MYH15: variants seen among roughly 807,000 people sequenced by gnomAD.
The protein encoded by MYH15 is myosin-15.
MYH15 carries 227 observed loss-of-function variants against 240.5 expected under a neutral mutation model. The observed-to-expected ratio is 0.94, with a 90% CI of 0.85 to 1.05. The LOEUF (loss-of-function observed/expected upper bound fraction) is 1.05, where lower values mean the gene tolerates loss of function less well. Among genes scored for constraint, MYH15 ranks in the 50% least tolerant of loss-of-function variants. The pLI is 0.00. For missense variants in MYH15, 2,217 were observed against 2,247.5 expected, an observed-to-expected ratio of 0.99 and a Z score of 0.27; for synonymous variants, 785 against 796.7, an observed-to-expected ratio of 0.99 and a Z score of 0.25.
chr3:108,504,821 G>T (rs1406770841), intron 2 of MYH15, among the ~76,000 whole-genome samples: 2 of 152,140 alleles, frequency 1.3e-5, no homozygotes, highest in African/African-American at 4.8e-5. Flanking sequence ...AGGGAGAAGG[G>T]GCTGGCGGGT....
chr3:108,542,059 G>C, the MYH15 span, among the ~76,000 whole-genome samples: 1 of 152,062 alleles, frequency 6.6e-6, no homozygotes, highest in South Asian at 2.1e-4. Context: ...GGAAATAACT[G>C]TCATGTATCA....
At chr3:108,439,990 TGTC>T in intron 23 of MYH15, 77 bp from the exon 24 acceptor site, 1 of 1,323,268 alleles carries the variant, frequency 7.6e-7, no homozygotes, top group Non-Finnish European at 1.0e-6. Context: ...ATTTCTCTTC[TGTC>T]GTCCAAAACT....
chr3:108,414,816 A>C (rs1275770239), intron 29 of MYH15, among the ~76,000 whole-genome samples: 2 of 152,180 alleles, frequency 1.3e-5, no homozygotes, highest in African/African-American at 2.4e-5. Flanking sequence ...GAACCACTAA[A>C]ATTTAGCCTT....
chr3:108,457,007 G>T, intron 18 of MYH15, 124 bp from the exon 19 acceptor site: 1 of 672,098 alleles, frequency 1.5e-6, no homozygotes, highest in Non-Finnish European at 2.6e-6. Flanking sequence ...CCACATGATA[G>T]GTCATAGATG....
At chr3:108,389,219 T>G in intron 37 of MYH15, 145 bp from the exon 38 acceptor site, 1 of 609,022 alleles carries the variant, frequency 1.6e-6, no homozygotes, top group Non-Finnish European at 2.8e-6. Context: ...ACAGTGTCTC[T>G]GGGAAAACTC....
At chr3:108,473,550 C>G (rs1254616318) in intron 12 of MYH15, among the ~76,000 whole-genome samples, 1 of 152,116 alleles carries the variant, frequency 6.6e-6, no homozygotes, top group African/African-American at 2.4e-5. Flanking sequence ...AGTGGTTAAT[C>G]TTTCTAAGGG....
chr3:108,391,670 G>T, intron 37 of MYH15, 90 bp downstream of exon 37: 2 of 1,336,368 alleles, frequency 1.5e-6, no homozygotes, highest in Non-Finnish European at 2.1e-6. Context: ...AAGGGTATGT[G>T]TGTTGGGGGG....
chr3:108,540,336 C>A, the MYH15 span, among the ~76,000 whole-genome samples: 1 of 152,130 alleles, frequency 6.6e-6, no homozygotes, highest in Non-Finnish European at 1.5e-5. Flanking sequence ...TTCTCTCCAC[C>A]ACAGACAGCA....
chr3:108,510,686 GT>G, upstream of MYH15: 3 of 1,193,992 alleles, frequency 2.5e-6, no homozygotes, highest in Non-Finnish European at 3.5e-6. Flanking sequence ...AGAGTGTTAA[GT>G]TTTCCTGTAA....
chr3:108,468,446 T>C (rs2083140876), intron 14 of MYH15, among the ~76,000 whole-genome samples: 1 of 152,244 alleles, frequency 6.6e-6, no homozygotes, highest in African/African-American at 2.4e-5. Flanking sequence ...AGTTTGATCA[T>C]TAATATTTGC....
chr3:108,408,481 CT>C, intron 31 of MYH15, 77 bp from the exon 32 acceptor site: 1 of 1,430,778 alleles, frequency 7.0e-7, no homozygotes. Context: ...ACAACAGATT[CT>C]TCCAGCCCAC....
At chr3:108,423,481 C>G (rs2082700870) in intron 27 of MYH15, among the ~76,000 whole-genome samples, 1 of 152,194 alleles carries the variant, frequency 6.6e-6, no homozygotes, top group Non-Finnish European at 1.5e-5. Flanking sequence ...AAATGCCAGA[C>G]ATGCTCAATT....
At chr3:108,382,097 C>T (rs919650243) in intron 40 of MYH15, among the ~76,000 whole-genome samples, 6 of 152,128 alleles carry the variant, frequency 3.9e-5, no homozygotes, top group African/African-American at 1.4e-4. Flanking sequence ...TTTTGAAGGC[C>T]CTTCAACCTC....
chr3:108,412,430 G>A (rs113628181), intron 30 of MYH15, among the ~76,000 whole-genome samples: 264 of 152,260 alleles, frequency 1.7e-3, no homozygotes, highest in African/African-American at 5.9e-3. Context: ...GGTGAACTGT[G>A]AGTCAATTAA....
chr3:108,538,639 TGAAATAAA>T, the MYH15 span, among the ~76,000 whole-genome samples: 1 of 152,190 alleles, frequency 6.6e-6, no homozygotes, highest in African/African-American at 2.4e-5. Flanking sequence ...CATAGAAATT[TGAAATAAA>T]GAAATAAAAC....
At chr3:108,519,436 A>G (rs78376198) in intron 1 of MYH15, among the ~76,000 whole-genome samples, 4,944 of 152,258 alleles carry the variant, frequency 0.032, 254 homozygotes, top group African/African-American at 0.11. Flanking sequence ...ATTGCTCCAT[A>G]TTTTACAGGT....
In MYH15 at chr3:108,492,520, G is replaced by C. The variant is rs760762410; in HGVS notation, c.851C>G (p.Ser284Cys). 1.4e-5 allele frequency: 22 copies of C among 1,612,378 alleles called. No individual in the cohort carries two copies. In the South Asian group the frequency reaches 2.3e-4, roughly 17 times the overall value. ...RNYHIFYQIL[S>C]GQKELHDLLL... ...CTTACCATGAAGCTCTTTTTGTCCA[G>C]ATAGAATTTGATAGAATATGTGGTA... Residue 284 changes from serine to cysteine, a missense_variant, in exon 9 of 41, where the codon TCT becomes TGT. Transcript: ENST00000693548.
the MYH15 span, among the ~76,000 whole-genome samples, chr3:108,541,737 A>C: frequency 6.6e-6 from 1 of 152,060 alleles, no homozygotes; most frequent in Non-Finnish European, 1.5e-5. Context: ...ATTATAGCCA[A>C]AGATGAAAAA....
intron 12 of MYH15, among the ~76,000 whole-genome samples, chr3:108,473,648 T>C (rs2083195653): frequency 6.6e-6 from 1 of 152,228 alleles, no homozygotes; most frequent in South Asian, 2.1e-4. Context: ...TACAAAGCAC[T>C]TAGTACATCA....
Sources: allele counts gnomAD v4.1 joint callset (sites outside exome capture counted in the v4.1 genomes callset), GRCh38; gene constraint gnomAD v4.1.1; transcripts MANE v1.5; gene names NCBI Gene and HGNC (gene_info 2026-07-23, HGNC 2026-07-21).